Variants in TMC6 observed in about 807,000 individuals in gnomAD.
TMC6 encodes transmembrane channel like 6, also known as transmembrane channel-like protein 6.
Under a neutral mutation model 95.4 loss-of-function variants are expected in TMC6, and 71 were observed. The ratio of observed to expected loss-of-function variants is 0.74; its 90% CI spans 0.61 to 0.91. The LOEUF is 0.91. Among genes scored for constraint, TMC6 ranks in the 40% least tolerant of loss-of-function variants. The pLI, the probability that TMC6 is intolerant of heterozygous loss-of-function variation, is 0.00. For missense variants in TMC6, 1,074 were observed against 1,079.1 expected (o/e 1.00, Z 0.07); for synonymous variants, 514 against 483.1 (o/e 1.06, Z -0.84).
At chr17:78,114,183 T>C (rs2073937049) in intron 18 of TMC6, among the ~76,000 whole-genome samples, 1 of 152,148 alleles carries the variant, frequency 6.6e-6, no homozygotes, top group Non-Finnish European at 1.5e-5. Context: ...TCCTCGCCTT[T>C]TCCAACTTCT....
In TMC6 at chr17:78,122,758, A is replaced by C. The variant is rs2145264579; in HGVS notation, c.1083-9T>G. The C allele has an allele frequency of 6.2e-7, 1 of 1,607,914 alleles. No individual in the cohort carries two copies. The highest frequency in any genetic ancestry group is 8.5e-7 in the Non-Finnish European group (1 of 1,178,244). ...CGAAAGAGTGAGCCATGCTGGGGAGAAGCAGACACAGACATGGCAACCAAC... is the reference window on the plus strand; with the variant it reads ...CGAAAGAGTGAGCCATGCTGGGGAGCAGCAGACACAGACATGGCAACCAAC... On this transcript the variant is annotated splice_polypyrimidine_tract_variant and intron_variant, in intron 9 of 19. Transcript: ENST00000590602. The surrounding 1 kb of genome is among the most constrained non-coding windows in gnomAD (Gnocchi z 4.9).
intron 4 of TMC6, 183 bp downstream of exon 4, chr17:78,126,094 A>G (rs1463695355): frequency 3.6e-6 from 4 of 1,111,144 alleles, no homozygotes; most frequent in Admixed American, 4.7e-5. Context: ...CGAGGGCCAC[A>G]TGGGGCTGTG....
In TMC6 at chr17:78,122,775, G is replaced by T; in HGVS notation, c.1083-26C>A. On this transcript the variant is annotated intron_variant, in intron 9 of 19. Coordinates refer to ENST00000590602, the MANE Select transcript of TMC6 (RefSeq NM_001127198.5). The surrounding 1 kb of genome is among the most constrained non-coding windows in gnomAD (Gnocchi z 4.9). ...CTGGGGAGAAGCAGACACAGACATGGCAACCAACAAGCTGACGGGCAGAGG... is the reference window on the plus strand; with the variant it reads ...CTGGGGAGAAGCAGACACAGACATGTCAACCAACAAGCTGACGGGCAGAGG... 6.2e-7 allele frequency: 1 copy of T among 1,604,726 alleles called. No individual in the cohort carries two copies.
rs754324709 is a variant in TMC6 at position 78,117,306 on chromosome 17, C to T, written c.2240G>A (p.Arg747His). Residue 747 changes from arginine (R) to histidine (H), a missense_variant, in exon 18 of 20, where the codon CGC becomes CAC. Physicochemically the swap from Arg to His is conservative, Grantham distance 29 (BLOSUM62 0). Transcript: ENST00000590602. ...YLNIQVVRGQ[R>H]KVICLLKEQI... ...CTCCTTGAGCAGGCAGATGACCTTGCGCTGGCCCCGCACCACCTGGATGTT... is the reference window on the plus strand; with the variant it reads ...CTCCTTGAGCAGGCAGATGACCTTGTGCTGGCCCCGCACCACCTGGATGTT... 1.9e-6 allele frequency: 3 copies of T among 1,613,436 alleles called. No individual in the cohort carries two copies. Among genetic ancestry groups the T allele is most frequent in the Middle Eastern group, 1.6e-4 (1 of 6,062 alleles).
In TMC6 at chr17:78,122,862, C is replaced by CCAG; in HGVS notation, c.1083-114_1083-113insCTG. The CCAG allele has an allele frequency of 6.7e-7, 1 of 1,483,150 alleles. No individual in the cohort carries two copies. Among genetic ancestry groups the CCAG allele is most frequent in the Non-Finnish European group, 9.1e-7 (1 of 1,099,748 alleles). The allele number at this position is 1,483,150 out of a possible 1,614,324, so 91.9% of individuals were successfully genotyped here. A position where few individuals can be genotyped will look rare whatever the true frequency, so the allele number is the denominator to read the frequency against. ...CAGACCCCACCACCCACTCAGGAGC[C>CCAG]ATCTGGGCCCTGACTGGGCCTCCTG... On this transcript the variant is annotated intron_variant, in intron 9 of 19. Transcript: ENST00000590602. The surrounding 1 kb of genome is among the most constrained non-coding windows in gnomAD (Gnocchi z 4.9).
At chr17:78,131,586 G>A (rs1043899118), upstream of TMC6, 3 of 1,544,918 alleles carry the variant, frequency 1.9e-6, no homozygotes, top group Admixed American at 5.9e-5. Flanking sequence ...CGTGCCCGCC[G>A]AGATGCTGCT....
intron 18 of TMC6, among the ~76,000 whole-genome samples, chr17:78,116,071 G>A (rs548251284): frequency 2.0e-4 from 30 of 151,750 alleles, no homozygotes; most frequent in East Asian, 1.2e-3. Flanking sequence ...GTGCAGTGGC[G>A]CAATCTGGGC....
Position 78,117,643 on chromosome 17 carries a change from C to T in TMC6, c.2023G>A (p.Val675Met). 6.4e-7 allele frequency: 1 copy of T among 1,568,014 alleles called. No individual in the cohort carries two copies. Among genetic ancestry groups the T allele is most frequent in the Non-Finnish European group, 8.6e-7 (1 of 1,157,330 alleles). Residue 675 changes from valine (V) to methionine (M), a missense_variant and splice_region_variant, in exon 17 of 20, where the codon GTG becomes ATG. Physicochemically the swap from Val to Met is conservative, Grantham distance 21 (BLOSUM62 1). Coordinates refer to ENST00000590602, the MANE Select transcript of TMC6 (RefSeq NM_001127198.5). Reference protein sequence around the residue: ...AVFLCYAVWQVKPSSTCGPFR... With the variant: ...AVFLCYAVWQMKPSSTCGPFR... Reference sequence around the variant, plus strand: ...GGGCCGCAGGTGCTCGAGGGCTTCACCCTGGGGAAGATGCCGACCAGGAAC... The same window carrying T: ...GGGCCGCAGGTGCTCGAGGGCTTCATCCTGGGGAAGATGCCGACCAGGAAC...
At chr17:78,127,054 G>A in intron 1 of TMC6, 148 bp from the exon 2 acceptor site, 1 of 628,478 alleles carries the variant, frequency 1.6e-6, no homozygotes, top group South Asian at 1.8e-5. Flanking sequence ...CATAAATGGT[G>A]AGGCACCGAA....
Position 78,117,910 on chromosome 17 carries a change from G to A in TMC6, c.1913C>T (p.Ala638Val), listed in dbSNP as rs534203282. The A allele has an allele frequency of 1.7e-5, 27 of 1,603,868 alleles. No homozygotes were observed. Among genetic ancestry groups the A allele is most frequent in the Middle Eastern group, 1.7e-4 (1 of 6,006 alleles). ...TGAGGCCAGCCAGGGCCGGCGCGGC[G>A]CCTGGCAGTTGGCCAGAAGGCTGGT... Reference protein sequence around the residue: ...KKTSLLANCQAPRRPWLASHM... With the variant: ...KKTSLLANCQVPRRPWLASHM... The change falls in exon 16 of 20, where the codon GCG becomes GTG. Residue 638 changes from alanine to valine, a missense_variant. Physicochemically the swap from Ala to Val is moderately conservative, Grantham distance 64. Coordinates refer to ENST00000590602, the MANE Select transcript of TMC6 (RefSeq NM_001127198.5).
Position 78,125,722 on chromosome 17 carries a change from T to C in TMC6, c.430+4A>G. 6.4e-7 allele frequency: 1 copy of C among 1,563,244 alleles called. No individual in the cohort carries two copies. The highest frequency in any genetic ancestry group is 8.7e-7 in the Non-Finnish European group (1 of 1,154,386). ...CACTGGGGCTCCAGTGCCCACTCAC[T>C]CACCCTCCTCCTCCAGGGCCGTGGG... On this transcript the variant is annotated splice_donor_region_variant and intron_variant, in intron 5 of 19. Coordinates refer to ENST00000590602, the MANE Select transcript of TMC6 (RefSeq NM_001127198.5).
chr17:78,109,807 C>T lies in TMC6; in HGVS notation c.*3341G>A. On this transcript the variant is annotated 3_prime_UTR_variant, in exon 20 of 20. Coordinates refer to ENST00000590602, the MANE Select transcript of TMC6 (RefSeq NM_001127198.5). ...TCCGGCCAGGCATGGTGGCTCATGC[C>T]TGTAATCCCAGCACTTTGGGAGTCC... 1 of 339,174 alleles carries T rather than the reference C, an allele frequency of 2.9e-6. No homozygotes were observed. The highest frequency in any genetic ancestry group is 2.3e-5 in the South Asian group (1 of 44,432). The allele number at this position is 339,174 out of a possible 1,614,324, so 21.0% of individuals were successfully genotyped here. A position where few individuals can be genotyped will look rare whatever the true frequency, so the allele number is the denominator to read the frequency against.
rs1397295506 is a variant in TMC6 at position 78,117,561 on chromosome 17, T to C, written c.2105A>G (p.Glu702Gly). 1.3e-6 allele frequency: 2 copies of C among 1,594,246 alleles called. No homozygotes were observed. Among genetic ancestry groups the C allele is most frequent in the South Asian group, 1.1e-5 (1 of 88,784 alleles). ...CCAGGAGACCCTGGGGCCTGCCGCC[T>C]CCAGGTGGCGCACCCACACCCTGCC... ...EAGRVWVRHLEAAGPRVSWLP... is the reference protein window; with the variant it reads ...EAGRVWVRHLGAAGPRVSWLP... Residue 702 changes from glutamate to glycine, a missense_variant, in exon 17 of 20, where the codon GAG becomes GGG. Physicochemically the swap from Glu to Gly is moderately conservative, Grantham distance 98 (BLOSUM62 -2). Transcript: ENST00000590602.
In TMC6 at chr17:78,126,912, GAGACA is replaced by G; in HGVS notation, c.-74-11_-74-7del. On this transcript the variant is annotated splice_polypyrimidine_tract_variant and splice_region_variant and intron_variant, in intron 1 of 19. Transcript: ENST00000590602. ...GCCACCTCCGGAGCCCCCATCTGAT[GAGACA>G]GGGGCACAGAGCCAGGGGTGGTCTT... 1 of 1,518,992 alleles carries G rather than the reference GAGACA, an allele frequency of 6.6e-7. No individual in the cohort carries two copies. The highest frequency in any genetic ancestry group is 9.0e-7 in the Non-Finnish European group (1 of 1,111,010). The allele number at this position is 1,518,992 out of a possible 1,614,324, so 94.1% of individuals were successfully genotyped here.
At chr17:78,113,739 C>G in intron 18 of TMC6, 115 bp from the exon 19 acceptor site, 1 of 1,069,518 alleles carries the variant, frequency 9.4e-7, no homozygotes, top group Non-Finnish European at 1.4e-6. Flanking sequence ...ACATCGCAAG[C>G]AGCAAAAACA....
Position 78,117,646 on chromosome 17 carries a change from T to C in TMC6, c.2022-2A>G, listed in dbSNP as rs1158645255. 1.3e-6 allele frequency: 2 copies of C among 1,566,500 alleles called. No homozygotes were observed. The highest frequency in any genetic ancestry group is 1.7e-6 in the Non-Finnish European group (2 of 1,156,506). On this transcript the variant is annotated splice_acceptor_variant, in intron 16 of 19. Transcript: ENST00000590602. LOFTEE classifies it high-confidence loss of function. ...CCGCAGGTGCTCGAGGGCTTCACCCTGGGGAAGATGCCGACCAGGAACCCT... is the reference window on the plus strand; with the variant it reads ...CCGCAGGTGCTCGAGGGCTTCACCCCGGGGAAGATGCCGACCAGGAACCCT...
chr17:78,126,106 T>C (rs917326460), intron 4 of TMC6, 171 bp downstream of exon 4: 60 of 1,138,740 alleles, frequency 5.3e-5, no homozygotes, highest in Non-Finnish European at 6.5e-5. Flanking sequence ...GGGGCTGTGC[T>C]GGGCCCCCAG....
intron 18 of TMC6, among the ~76,000 whole-genome samples, chr17:78,115,511 G>C (rs1392154010): frequency 6.6e-6 from 1 of 152,202 alleles, no homozygotes; most frequent in African/African-American, 2.4e-5. Context: ...GTTCCCCAGG[G>C]GAGGGGCCTC....
Position 78,126,294 on chromosome 17 carries a change from A to G in TMC6, c.254T>C (p.Met85Thr). ...STATLRILAS[M>T]PSRTIGRSRG... ...CCACTCACCAATGGTGCGGCTGGGCATGCTGGCCAGGATGCGGAGTGTGGC... is the reference window on the plus strand; with the variant it reads ...CCACTCACCAATGGTGCGGCTGGGCGTGCTGGCCAGGATGCGGAGTGTGGC... The change falls in exon 4 of 20, where the codon ATG (methionine) becomes ACG (threonine). Residue 85 changes from methionine (M) to threonine (T), a missense_variant. Met to Thr is a moderately conservative substitution (Grantham distance 81). Transcript: ENST00000590602. 6.4e-7 allele frequency: 1 copy of G among 1,562,754 alleles called. No homozygotes were observed. The highest frequency in any genetic ancestry group is 1.2e-5 in the South Asian group (1 of 85,624).
Sources: allele counts gnomAD v4.1 joint callset (sites outside exome capture counted in the v4.1 genomes callset), GRCh38; gene constraint gnomAD v4.1.1; non-coding constraint Gnocchi (gnomAD v3.1); transcripts MANE v1.5; gene names NCBI Gene and HGNC (gene_info 2026-07-23, HGNC 2026-07-21).